CNPY3: variants seen among roughly 807,000 people sequenced by gnomAD.
CNPY3 encodes canopy FGF signaling regulator 3.
A neutral mutation model predicts 32.0 loss-of-function variants in CNPY3; 20 were observed. The ratio of observed to expected loss-of-function variants is 0.63; its 90% CI spans 0.44 to 0.91. CNPY3 has a LOEUF of 0.91. Ranked by LOEUF, CNPY3 falls within the 40% of genes least tolerant of loss-of-function variation. The pLI, the probability that CNPY3 is intolerant of heterozygous loss-of-function variation, is 0.00. For synonymous variants in CNPY3, 138 were observed against 142.9 expected (o/e 0.97, Z 0.24); for missense variants, 299 against 340.8 (o/e 0.88, Z 0.97).
intron 1 of CNPY3, 59 bp from the exon 2 acceptor site, chr6:42,934,416 A>T: frequency 6.2e-7 from 1 of 1,605,334 alleles, no homozygotes; most frequent in South Asian, 1.1e-5. Flanking sequence ...TTTTGCTGGG[A>T]GCTGGCCTCC....
In CNPY3 at chr6:42,937,769, A is replaced by G. The variant is rs1370232102; in HGVS notation, c.425A>G (p.Lys142Arg). The change falls in exon 4 of 6, where the codon AAG (lysine) becomes AGG (arginine). Residue 142 changes from lysine (K) to arginine (R), a missense_variant. Lys to Arg is a conservative substitution (Grantham distance 26). Coordinates refer to ENST00000372836, the MANE Select transcript of CNPY3 (RefSeq NM_006586.5). ...TLHNLVHKGVKVVMDIPYELW... is the reference protein window; with the variant it reads ...TLHNLVHKGVRVVMDIPYELW... ...CACAACCTGGTACACAAAGGGGTCA[A>G]GGTGGTGATGGACATCCCCTATGAG... 3.1e-6 allele frequency: 5 copies of G among 1,614,028 alleles called. No homozygotes were observed. The African/African-American group carries it at 6.7e-5, about 22-fold the overall frequency.
At chr6:42,937,995 G>A (rs1768353055) in intron 4 of CNPY3, 95 bp from the exon 5 acceptor site, 3 of 1,453,898 alleles carry the variant, frequency 2.1e-6, no homozygotes, top group Admixed American at 1.7e-5. Flanking sequence ...CGCTGCCACT[G>A]CCTACCTTGC....
upstream of CNPY3, chr6:42,929,229 A>G: frequency 4.4e-6 from 1 of 226,436 alleles, no homozygotes; most frequent in Middle Eastern, 1.5e-3. Flanking sequence ...TTGGTCCTGC[A>G]TCCTCTCTCT....
At position 42,935,979 on chromosome 6, in the gene CNPY3, G is replaced by A. The variant is rs111784958; in HGVS notation, c.372+309G>A. On this transcript the variant is annotated intron_variant, in intron 3 of 5. Transcript: ENST00000372836. ...ACGGGGAGAACTCAGCAAGATCCAC[G>A]ATGTGCAGAAAGGTGGGGGTTTAGG... Among the ~76,000 whole-genome samples the A allele has an allele frequency of 9.9e-4, 150 of 150,912 alleles. 1 individual carries two copies. Among genetic ancestry groups the A allele is most frequent in the Middle Eastern group, 3.4e-3 (1 of 294 alleles).
Position 42,937,795 on chromosome 6 carries a change from C to A in CNPY3, c.451C>A (p.Leu151Met), listed in dbSNP as rs747428679. Residue 151 changes from leucine to methionine, a missense_variant, in exon 4 of 6, where the codon CTG becomes ATG. Leu to Met is a conservative substitution (Grantham distance 15). Transcript: ENST00000372836. ...GGTGGTGATGGACATCCCCTATGAGCTGTGGAACGAGACTTCTGCAGAGGT... is the reference window on the plus strand; with the variant it reads ...GGTGGTGATGGACATCCCCTATGAGATGTGGAACGAGACTTCTGCAGAGGT... ...VKVVMDIPYE[L>M]WNETSAEVAD... The A allele has an allele frequency of 6.2e-7, 1 of 1,614,100 alleles. No homozygotes were observed. The highest frequency in any genetic ancestry group is 1.1e-5 in the South Asian group (1 of 91,082).
upstream of CNPY3, chr6:42,929,288 G>A (rs1767566673): frequency 1.9e-5 from 8 of 412,760 alleles, no homozygotes; most frequent in South Asian, 3.4e-4. Flanking sequence ...ATAGGTCGCT[G>A]AGGCCACCAT....
intron 1 of CNPY3, among the ~76,000 whole-genome samples, chr6:42,930,111 A>G (rs1477431663): frequency 6.6e-6 from 1 of 152,076 alleles, no homozygotes; most frequent in Non-Finnish European, 1.5e-5. Flanking sequence ...CCGGATGAAG[A>G]GAAGTGGAAA....
In CNPY3 at chr6:42,929,489, G is replaced by T; in HGVS notation, c.-82G>T. Reference sequence around the variant, plus strand: ...GCTCGGAGGCACGTGTGCAGTCCCGGAAGCGGCGAGGGGAAACTGCTCCGC... The same window carrying T: ...GCTCGGAGGCACGTGTGCAGTCCCGTAAGCGGCGAGGGGAAACTGCTCCGC... On this transcript the variant is annotated 5_prime_UTR_variant, in exon 1 of 6. Coordinates refer to ENST00000372836, the MANE Select transcript of CNPY3 (RefSeq NM_006586.5). 1 of 1,422,816 alleles carries T rather than the reference G, an allele frequency of 7.0e-7. No individual in the cohort carries two copies. The highest frequency in any genetic ancestry group is 2.6e-4 in the Middle Eastern group (1 of 3,916). The allele number at this position is 1,422,816 out of a possible 1,614,324, so 88.1% of individuals were successfully genotyped here. A position where few individuals can be genotyped will look rare whatever the true frequency, so the allele number is the denominator to read the frequency against.
chr6:42,929,656 A>G lies in CNPY3; in HGVS notation c.86A>G (p.Glu29Gly). 7 of 1,553,160 alleles carry G rather than the reference A, an allele frequency of 4.5e-6. No homozygotes were observed. Among genetic ancestry groups the G allele is most frequent in the Non-Finnish European group, 6.1e-6 (7 of 1,149,030 alleles). Reference protein sequence around the residue: ...LLLLLLLPAPELGPSQAGAEE... With the variant: ...LLLLLLLPAPGLGPSQAGAEE... ...CTGCTGCTGCTGCTGCCGGCCCCGG[A>G]GCTGGGCCCGAGCCAGGCCGGAGCT... Residue 29 changes from glutamate to glycine, a missense_variant, in exon 1 of 6, where the codon GAG (glutamate) becomes GGG (glycine). Transcript: ENST00000372836.
intron 3 of CNPY3, among the ~76,000 whole-genome samples, chr6:42,936,745 C>T (rs556030726): frequency 6.6e-6 from 1 of 152,088 alleles, no homozygotes; most frequent in South Asian, 2.1e-4. Flanking sequence ...CCATGCTGGC[C>T]AGGGGGTCTC....
chr6:42,930,280 G>C (rs932458448), intron 1 of CNPY3, among the ~76,000 whole-genome samples: 14 of 152,164 alleles, frequency 9.2e-5, no homozygotes, highest in Non-Finnish European at 5.9e-5. Flanking sequence ...CTGTGTAGTT[G>C]TCTGTTGCAC....
At chr6:42,937,029 A>G (rs1048846554) in intron 3 of CNPY3, among the ~76,000 whole-genome samples, 1 of 152,142 alleles carries the variant, frequency 6.6e-6, no homozygotes, top group Admixed American at 6.6e-5. Flanking sequence ...GTTTTTACAG[A>G]ATAAAGGGTC....
intron 2 of CNPY3, 184 bp from the exon 3 acceptor site, chr6:42,935,388 TTG>T: frequency 1.0e-6 from 1 of 984,710 alleles, no homozygotes; most frequent in Non-Finnish European, 1.2e-6. Flanking sequence ...TGTTAAAATT[TTG>T]TCTCTCTGGT....
intron 1 of CNPY3, among the ~76,000 whole-genome samples, chr6:42,931,647 CACTGCACCCAG>C (rs1220550234): frequency 2.0e-5 from 3 of 152,084 alleles, no homozygotes; most frequent in Non-Finnish European, 4.4e-5. Context: ...AGGCGTGAGC[CACTGCACCCAG>C]CCCAGCTAAC....
Position 42,929,784 on chromosome 6 carries a change from G to A in CNPY3, c.151+63G>A, listed in dbSNP as rs972400356. 8.0e-6 allele frequency: 12 copies of A among 1,492,466 alleles called. No individual in the cohort carries two copies. The African/African-American group carries it at 1.7e-4, about 21-fold the overall frequency. 92.5% of individuals were successfully genotyped at this position (1,492,466 alleles called of 1,614,324 possible). ...GGGGCTGGCTCCAGCGGTGGTGCTTGCGGAGCAGCGTCGGGGGTTGCAAGG... is the reference window on the plus strand; with the variant it reads ...GGGGCTGGCTCCAGCGGTGGTGCTTACGGAGCAGCGTCGGGGGTTGCAAGG... On this transcript the variant is annotated intron_variant, in intron 1 of 5. Transcript: ENST00000372836.
Position 42,938,626 on chromosome 6 carries a change from G to T in CNPY3, c.672G>T (p.Lys224Asn), listed in dbSNP as rs759180897. 6.2e-7 allele frequency: 1 copy of T among 1,610,496 alleles called. No individual in the cohort carries two copies. Among genetic ancestry groups the T allele is most frequent in the South Asian group, 1.1e-5 (1 of 90,314 alleles). ...KKGDTAALGG[K>N]KSKKKSSRAK... The stretch of plus-strand genomic sequence containing the variant: ...GAGACACAGCTGCCCTGGGAGGGAA[G>T]AAGTCCAAGAAGAAGAGCAGCAGGG... The change falls in exon 6 of 6, where the codon AAG (lysine) becomes AAT (asparagine). Residue 224 changes from lysine (K) to asparagine (N), a missense_variant. Lys to Asn is a moderately conservative substitution (Grantham distance 94). This residue lies in a region of CNPY3 where 211 missense variants were observed against 278.3 expected (regional missense o/e 0.76). Transcript: ENST00000372836.
chr6:42,938,872 GC>G lies in CNPY3; in HGVS notation c.*85del, dbSNP rs1330819597. The G allele has an allele frequency of 1.4e-6, 2 of 1,462,870 alleles. No homozygotes were observed. The highest frequency in any genetic ancestry group is 1.4e-5 in the African/African-American group (1 of 70,142). 90.6% of individuals were successfully genotyped at this position (1,462,870 alleles called of 1,614,324 possible). On this transcript the variant is annotated 3_prime_UTR_variant, in exon 6 of 6. Transcript: ENST00000372836. ...GGCATGGCTCTGGCAGGCCGGGATG[GC>G]CCCGCAGCCTTCAGCCCCTCCTTGC... is the stretch of plus-strand genomic sequence containing the variant.
chr6:42,937,691 C>A, intron 3 of CNPY3, 26 bp from the exon 4 acceptor site: 1 of 1,613,064 alleles, frequency 6.2e-7, no homozygotes, highest in Non-Finnish European at 8.5e-7. Flanking sequence ...GGAGCTCCGC[C>A]TGCCATATCT....
chr6:42,933,257 C>A (rs746187114), intron 1 of CNPY3, among the ~76,000 whole-genome samples: 1 of 152,142 alleles, frequency 6.6e-6, no homozygotes. Flanking sequence ...TTCACACCCT[C>A]GGTGGTAGCA....
Sources: allele counts gnomAD v4.1 joint callset (sites outside exome capture counted in the v4.1 genomes callset), GRCh38; gene constraint gnomAD v4.1.1; regional missense constraint gnomAD v4.1.1; transcripts MANE v1.5; gene names NCBI Gene and HGNC (gene_info 2026-07-23, HGNC 2026-07-21).